Variants in VAV2 observed in about 807,000 individuals in gnomAD.
VAV2 encodes the protein guanine nucleotide exchange factor VAV2.
Under a neutral mutation model 132.5 loss-of-function variants are expected in VAV2, and 67 were observed. The ratio of observed to expected loss-of-function variants is 0.51; its 90% CI spans 0.42 to 0.62. VAV2 has a LOEUF of 0.62. VAV2 is among the 20% of genes least tolerant of loss of function. VAV2 has a pLI of 0.00. For synonymous variants in VAV2, 492 were observed against 443.5 expected (o/e 1.11, Z -1.37); for missense variants, 938 against 1,153.6 (o/e 0.81, Z 2.71).
intron 10 of VAV2, 60 bp from the exon 11 acceptor site, chr9:133,796,584 C>T (rs1834724740): frequency 2.7e-6 from 4 of 1,484,980 alleles, no homozygotes; most frequent in Non-Finnish European, 3.7e-6. Context: ...ACCCACCCAC[C>T]TGTACCCCCG....
At chr9:133,821,794 G>A (rs907761820) in intron 4 of VAV2, among the ~76,000 whole-genome samples, 1 of 152,174 alleles carries the variant, frequency 6.6e-6, no homozygotes, top group African/African-American at 2.4e-5. Flanking sequence ...AGGCAGGAAT[G>A]TGGAAGCCCA....
chr9:133,824,693 C>T lies in VAV2; in HGVS notation c.449+9579G>A, dbSNP rs544262046. 5.3e-5 allele frequency among the ~76,000 whole-genome samples: 8 copies of T among 152,102 alleles called. No individual in the cohort carries two copies. The East Asian group carries it at 1.2e-3, about 22-fold the overall frequency. On this transcript the variant is annotated intron_variant, in intron 4 of 29. Coordinates refer to ENST00000371850, the MANE Select transcript of VAV2 (RefSeq NM_001134398.2). This position sits in a 1 kb window ranked among gnomAD's most constrained non-coding sequence, Gnocchi z 5.2. ...GGGGCCCACAACGGGGTCCCAGGTC[C>T]CAGGTCTGTGGGGCAGGGAGGGCTC...
chr9:133,931,679 G>C (rs889185184), intron 2 of VAV2, among the ~76,000 whole-genome samples: 44 of 152,206 alleles, frequency 2.9e-4, no homozygotes, highest in Non-Finnish European at 6.0e-4. Context: ...CTAACAAAGA[G>C]CTGCCTGTGA....
At chr9:133,965,383 C>CA (rs1413229947) in intron 1 of VAV2, among the ~76,000 whole-genome samples, 1 of 150,650 alleles carries the variant, frequency 6.6e-6, no homozygotes, top group Non-Finnish European at 1.5e-5. Context: ...CCTATAGTCC[C>CA]AGCTACTAGG....
chr9:133,956,889 C>T (rs1588169033), intron 1 of VAV2, among the ~76,000 whole-genome samples: 3 of 152,238 alleles, frequency 2.0e-5, no homozygotes, highest in Non-Finnish European at 2.9e-5. Flanking sequence ...GGAAACCCGG[C>T]CGTCCTCAAG....
At chr9:133,829,624 TTAACTA>T (rs1327589149) in intron 4 of VAV2, among the ~76,000 whole-genome samples, 8 of 152,146 alleles carry the variant, frequency 5.3e-5, no homozygotes, top group Non-Finnish European at 1.0e-4. Context: ...ATATGCTGGG[TTAACTA>T]TAACATACAT....
intron 2 of VAV2, among the ~76,000 whole-genome samples, chr9:133,936,260 T>A (rs977677395): frequency 6.7e-6 from 1 of 149,394 alleles, no homozygotes; most frequent in Non-Finnish European, 1.5e-5. Context: ...TTTTTTTTTT[T>A]AAGACAGAGT....
chr9:133,902,507 A>G (rs1481968485), intron 2 of VAV2, among the ~76,000 whole-genome samples: 1 of 151,626 alleles, frequency 6.6e-6, no homozygotes, highest in East Asian at 1.9e-4. Context: ...TCACCCACAA[A>G]CCCCCCAGGG....
intron 2 of VAV2, among the ~76,000 whole-genome samples, chr9:133,902,583 G>A (rs1839486388): frequency 6.6e-6 from 1 of 152,220 alleles, no homozygotes; most frequent in Non-Finnish European, 1.5e-5. Context: ...TGCAGGGGAA[G>A]ACACACATCT....
At chr9:133,810,773 G>T (rs1359416957) in intron 5 of VAV2, among the ~76,000 whole-genome samples, 1 of 152,204 alleles carries the variant, frequency 6.6e-6, no homozygotes, top group African/African-American at 2.4e-5. Flanking sequence ...GCGGGCTCCA[G>T]GGAGCACCCA....
chr9:133,812,211 T>C lies in VAV2; in HGVS notation c.455A>G (p.His152Arg). The C allele has an allele frequency of 6.2e-7, 1 of 1,613,710 alleles. No homozygotes were observed. The change falls in exon 5 of 30, where the codon CAT (histidine) becomes CGT (arginine). Residue 152 changes from histidine to arginine, a missense_variant. Physicochemically the swap from His to Arg is conservative, Grantham distance 29. Transcript: ENST00000371850. ...YRSLEELADE[H>R]DLGEDIYDCV... is the part of the protein sequence containing the mutation. ...GTCGTAGATGTCCTCCCCCAGGTCA[T>C]GCTCGCTGCACAGGAGGAGGCGGGT...
intron 2 of VAV2, among the ~76,000 whole-genome samples, chr9:133,907,569 C>A (rs1037429493): frequency 1.3e-5 from 2 of 152,196 alleles, no homozygotes; most frequent in South Asian, 2.1e-4. Flanking sequence ...CGTTGGAAAG[C>A]CCCCTGGGAG....
At position 133,824,644 on chromosome 9, in the gene VAV2, G is replaced by A. The variant is rs751034897; in HGVS notation, c.449+9628C>T. ...GCCTGGACAGCACATGTGGGAGGTA[G>A]AGGAACCTCGAGTGAGAAGTGCAGG... On this transcript the variant is annotated intron_variant, in intron 4 of 29. Coordinates refer to ENST00000371850, the MANE Select transcript of VAV2 (RefSeq NM_001134398.2). This position sits in a 1 kb window ranked among gnomAD's most constrained non-coding sequence, Gnocchi z 5.2. 6.6e-6 allele frequency among the ~76,000 whole-genome samples: 1 copy of A among 152,132 alleles called. No individual in the cohort carries two copies. Among genetic ancestry groups the A allele is most frequent in the Non-Finnish European group, 1.5e-5 (1 of 68,016 alleles).
rs948869288 is a variant in VAV2, at chr9:133,857,746, G to A, written c.380+3628C>T. On this transcript the variant is annotated intron_variant, in intron 3 of 29. Coordinates refer to ENST00000371850, the MANE Select transcript of VAV2 (RefSeq NM_001134398.2). This position sits in a 1 kb window ranked among gnomAD's most constrained non-coding sequence, Gnocchi z 4.0. ...AGCCACCAAGTGGGGCTGCCTGGGA[G>A]GGTTGCCTGTCACCTGTCTCCTGAG... 2.6e-5 allele frequency among the ~76,000 whole-genome samples: 4 copies of A among 152,212 alleles called. No individual in the cohort carries two copies. Among genetic ancestry groups the A allele is most frequent in the Non-Finnish European group, 4.4e-5 (3 of 68,034 alleles).
intron 29 of VAV2, among the ~76,000 whole-genome samples, chr9:133,764,494 A>G (rs1833371206): frequency 6.6e-6 from 1 of 152,246 alleles, no homozygotes; most frequent in Non-Finnish European, 1.5e-5. Context: ...TATTGAGGTC[A>G]TCTGTCAGGG....
At chr9:133,791,627 C>A (rs901862228) in intron 13 of VAV2, among the ~76,000 whole-genome samples, 156 bp downstream of exon 13, 1 of 150,248 alleles carries the variant, frequency 6.7e-6, no homozygotes, top group African/African-American at 2.4e-5. Flanking sequence ...TGCTGGGGGT[C>A]TGAGATCAAA....
In VAV2 at chr9:133,765,409, G is replaced by A. The variant is rs139799458; in HGVS notation, c.2590-1300C>T. On this transcript the variant is annotated intron_variant, in intron 29 of 29. Transcript: ENST00000371850. ...TGTCCTAACAGGACACTACGGCACT[G>A]AGAAAGTGCCAACGTCCCCATTGTG... Among the ~76,000 whole-genome samples, 44 of 152,342 alleles carry A rather than the reference G, an allele frequency of 2.9e-4. No homozygotes were observed. The East Asian group carries it at 8.1e-3, about 28-fold the overall frequency.
chr9:133,928,390 G>C lies in VAV2; in HGVS notation c.321+10713C>G, dbSNP rs1408821005. On this transcript the variant is annotated intron_variant, in intron 2 of 29. Coordinates refer to ENST00000371850, the MANE Select transcript of VAV2 (RefSeq NM_001134398.2). This position sits in a 1 kb window ranked among gnomAD's most constrained non-coding sequence, Gnocchi z 5.4. ...AACAGCCCCTGCGCCGGGCTCTGCC[G>C]GGAGCCTGAGGCAGCTCCCCACCCC... is the stretch of plus-strand genomic sequence containing the variant. 6.6e-6 allele frequency among the ~76,000 whole-genome samples: 1 copy of C among 152,144 alleles called. No homozygotes were observed. The highest frequency in any genetic ancestry group is 6.5e-5 in the Admixed American group (1 of 15,280).
In VAV2 at chr9:133,810,825, G is replaced by A. The variant is rs535853540; in HGVS notation, c.553-620C>T. Reference sequence around the variant, plus strand: ...ATGGGGGTCTCGAGAAAGAGAGCCTGCAGGATCCAGGGCCAGGATCCCCCA... The same window carrying A: ...ATGGGGGTCTCGAGAAAGAGAGCCTACAGGATCCAGGGCCAGGATCCCCCA... On this transcript the variant is annotated intron_variant, in intron 5 of 29. Transcript: ENST00000371850. Among the ~76,000 whole-genome samples, 4 of 152,346 alleles carry A rather than the reference G, an allele frequency of 2.6e-5. No individual in the cohort carries two copies. In the East Asian group the frequency reaches 5.8e-4, roughly 22 times the overall value.
Sources: allele counts gnomAD v4.1 joint callset (sites outside exome capture counted in the v4.1 genomes callset), GRCh38; gene constraint gnomAD v4.1.1; non-coding constraint Gnocchi (gnomAD v3.1); transcripts MANE v1.5; gene names NCBI Gene and HGNC (gene_info 2026-07-23, HGNC 2026-07-21).